The following WDHD1 variants were observed in gnomAD, a reference collection of about 807,000 sequenced individuals.
The protein encoded by WDHD1 is WD repeat and HMG-box DNA-binding protein 1.
A neutral mutation model predicts 135.4 loss-of-function variants in WDHD1; 111 were observed. The observed-to-expected ratio is 0.82, with a 90% CI of 0.70 to 0.96. The LOEUF (loss-of-function observed/expected upper bound fraction) is 0.96, where lower values mean the gene tolerates loss of function less well. Among genes scored for constraint, WDHD1 ranks in the 40% least tolerant of loss-of-function variants. WDHD1 has a pLI of 0.00. For missense variants in WDHD1, 1,351 were observed against 1,336.3 expected, an observed-to-expected ratio of 1.01 and a Z score of -0.17; for synonymous variants, 434 against 439.0, an observed-to-expected ratio of 0.99 and a Z score of 0.14.
intron 16 of WDHD1, among the ~76,000 whole-genome samples, chr14:54,980,340 T>C (rs77065866): frequency 0.014 from 2,171 of 150,498 alleles, 82 homozygotes; most frequent in East Asian, 0.14. Flanking sequence ...AAAAAAGACA[T>C]AATTCAGTGG....
chr14:54,958,611 C>G (rs2041199275), intron 21 of WDHD1, among the ~76,000 whole-genome samples: 1 of 152,208 alleles, frequency 6.6e-6, no homozygotes, highest in Admixed American at 6.5e-5. Context: ...TTTGCTCTAT[C>G]AATGGCATCC....
chr14:55,006,958 G>T (rs2042080111), intron 7 of WDHD1, among the ~76,000 whole-genome samples: 1 of 152,108 alleles, frequency 6.6e-6, no homozygotes, highest in African/African-American at 2.4e-5. Flanking sequence ...CAGGCACGGT[G>T]GCTCACGCCT....
At chr14:54,955,295 A>C (rs1478502772) in intron 24 of WDHD1, among the ~76,000 whole-genome samples, 1 of 152,176 alleles carries the variant, frequency 6.6e-6, no homozygotes, top group Non-Finnish European at 1.5e-5. Flanking sequence ...TTAAAAACAA[A>C]CAAAAAATTA....
Position 54,955,895 on chromosome 14 carries a change from C to CTTTT in WDHD1, c.2917-205_2917-202dup, listed in dbSNP as rs71131243. Among the ~76,000 whole-genome samples, 281 of 110,056 alleles carry CTTTT rather than the reference C, an allele frequency of 2.6e-3. 5 individuals carry two copies. The highest frequency in any genetic ancestry group is 3.3e-3 in the Non-Finnish European group (184 of 56,300). The allele number at this position is 110,056 out of a possible 152,430, so 72.2% of individuals were successfully genotyped here. A position where few individuals can be genotyped will look rare whatever the true frequency, so the allele number is the denominator to read the frequency against. ...ACTACACTTCAGATTCCATGTTTTC[C>CTTTT]TTTTTTTTTTTTTTTTTTTTGAGAC... On this transcript the variant is annotated intron_variant, in intron 23 of 25. Transcript: ENST00000360586.
At chr14:55,018,040 A>C (rs578194737) in intron 2 of WDHD1, among the ~76,000 whole-genome samples, 1 of 152,174 alleles carries the variant, frequency 6.6e-6, no homozygotes, top group East Asian at 1.9e-4. Flanking sequence ...AATACACAAA[A>C]AATACTAGCA....
chr14:54,997,703 G>A (rs2140210534), intron 10 of WDHD1, among the ~76,000 whole-genome samples: 1 of 151,098 alleles, frequency 6.6e-6, no homozygotes, highest in East Asian at 2.0e-4. Context: ...ACGAGGTCAG[G>A]AGATCGAGAC....
chr14:54,996,434 C>T (rs971818443), intron 10 of WDHD1, among the ~76,000 whole-genome samples: 1 of 151,264 alleles, frequency 6.6e-6, no homozygotes, highest in African/African-American at 2.5e-5. Context: ...ATGATGAAAC[C>T]TCATCTCCAC....
chr14:54,971,397 G>C (rs926987077), intron 16 of WDHD1, among the ~76,000 whole-genome samples: 7 of 151,874 alleles, frequency 4.6e-5, no homozygotes, highest in Admixed American at 6.6e-5. Context: ...GGCAACAAAG[G>C]GAGACCTGTC....
intron 18 of WDHD1, among the ~76,000 whole-genome samples, chr14:54,965,765 G>C (rs927426983): frequency 6.6e-6 from 1 of 151,932 alleles, no homozygotes; most frequent in African/African-American, 2.4e-5. Flanking sequence ...AGACCAGCCT[G>C]ACCAATGTGG....
At chr14:54,989,340 C>G in intron 12 of WDHD1, 128 bp from the exon 13 acceptor site, 2 of 617,072 alleles carry the variant, frequency 3.2e-6, no homozygotes, top group Non-Finnish European at 5.3e-6. Context: ...TTGGGAGTTA[C>G]TACATCTCAT....
intron 12 of WDHD1, 84 bp downstream of exon 12, chr14:54,991,127 AAT>A: frequency 4.2e-6 from 3 of 707,444 alleles, no homozygotes; most frequent in African/African-American, 1.8e-5. Context: ...AGTTTTTAAA[AAT>A]ATGTTTTATC....
At chr14:55,021,223 G>A (rs1163447338) in intron 2 of WDHD1, among the ~76,000 whole-genome samples, 1 of 152,136 alleles carries the variant, frequency 6.6e-6, no homozygotes, top group Non-Finnish European at 1.5e-5. Context: ...GGTCTATGTT[G>A]TAAAATAAGT....
chr14:54,961,985 T>C (rs1001139412), intron 21 of WDHD1, among the ~76,000 whole-genome samples: 1 of 152,012 alleles, frequency 6.6e-6, no homozygotes, highest in Non-Finnish European at 1.5e-5. Context: ...TACAGGCACA[T>C]ACCACCACCC....
chr14:54,993,865 C>T (rs1566732102), intron 11 of WDHD1, among the ~76,000 whole-genome samples: 2 of 151,922 alleles, frequency 1.3e-5, no homozygotes, highest in Admixed American at 6.6e-5. Context: ...ATGTAAATGA[C>T]GATAGCCGTA....
At chr14:55,012,532 G>A (rs186579992) in intron 3 of WDHD1, among the ~76,000 whole-genome samples, 261 of 152,230 alleles carry the variant, frequency 1.7e-3, no homozygotes, top group South Asian at 9.3e-3. Flanking sequence ...CCGTTTTCTA[G>A]AACAATTCCT....
At chr14:54,995,305 C>A (rs1381505067) in intron 11 of WDHD1, among the ~76,000 whole-genome samples, 2 of 152,106 alleles carry the variant, frequency 1.3e-5, no homozygotes, top group Admixed American at 1.3e-4. Flanking sequence ...AAAGAACCAG[C>A]TTTTGGTCTC....
At chr14:55,014,740 C>CA (rs1001731114) in intron 2 of WDHD1, among the ~76,000 whole-genome samples, 28 of 150,754 alleles carry the variant, frequency 1.9e-4, no homozygotes, top group East Asian at 3.9e-4. Flanking sequence ...TAATAAACAG[C>CA]AAAAAAAATC....
intron 15 of WDHD1, 80 bp from the exon 16 acceptor site, chr14:54,981,776 C>T: frequency 3.6e-6 from 3 of 834,448 alleles, no homozygotes; most frequent in Non-Finnish European, 5.5e-6. Context: ...ATTATACATA[C>T]CAAGGATTCA....
chr14:54,963,185 G>T lies in WDHD1; in HGVS notation c.2311-13C>A. ...GTTTACAAGAAAGCTAATCCAAAAA[G>T]GGGGGGGGGGGGGAGATCAAATAAC... On this transcript the variant is annotated splice_polypyrimidine_tract_variant and intron_variant, in intron 18 of 25. Coordinates refer to ENST00000360586, the MANE Select transcript of WDHD1 (RefSeq NM_007086.4). 1.3e-5 allele frequency: 1 copy of T among 76,892 alleles called. No individual in the cohort carries two copies. The highest frequency in any genetic ancestry group is 2.2e-5 in the Non-Finnish European group (1 of 45,734). 4.8% of individuals were successfully genotyped at this position (76,892 alleles called of 1,614,324 possible). A position where few individuals can be genotyped will look rare whatever the true frequency, so the allele number is the denominator to read the frequency against.
Sources: gnomAD v4.1 joint callset for allele counts (sites outside exome capture counted in the v4.1 genomes callset) on GRCh38, gnomAD v4.1.1 for gene constraint, MANE v1.5 for transcripts, NCBI Gene and HGNC (gene_info 2026-07-23, HGNC 2026-07-21) for gene names.